Variants in ANKRD52 observed in about 807,000 individuals in gnomAD.
The protein encoded by ANKRD52 is ankyrin repeat domain 52.
In ANKRD52, 7 loss-of-function variants were observed where a neutral mutation model predicts 116.0. That is an observed-to-expected ratio of 0.06 (90% CI 0.03 to 0.11). ANKRD52 has a LOEUF of 0.11. ANKRD52 is among the 10% of genes least tolerant of loss of function. The probability of loss-of-function intolerance (pLI) is 1.00; values close to 1 mark genes in which losing one functional copy is unlikely to be tolerated. For missense variants in ANKRD52, 839 were observed against 1,408.6 expected (o/e 0.60, Z 6.47); for synonymous variants, 528 against 578.1 (o/e 0.91, Z 1.24).
chr12:56,247,472 C>A lies in ANKRD52; in HGVS notation c.2184+21G>T, dbSNP rs765863734. The A allele has an allele frequency of 1.9e-6, 3 of 1,546,912 alleles. No individual in the cohort carries two copies. In the East Asian group the frequency reaches 7.2e-5, roughly 37 times the overall value. ...ACACTGAGGCCCATGTGCAAACAAT[C>A]CCCCCTAGAAGCTCACTCACCCCGC... is the stretch of plus-strand genomic sequence containing the variant. On this transcript the variant is annotated intron_variant, in intron 20 of 27. Coordinates refer to ENST00000267116, the MANE Select transcript of ANKRD52 (RefSeq NM_173595.4).
Position 56,243,454 on chromosome 12 carries a change from G to A in ANKRD52, c.2981-62C>T. On this transcript the variant is annotated intron_variant, in intron 27 of 27. Transcript: ENST00000267116. This position sits in a 1 kb window ranked among gnomAD's most constrained non-coding sequence, Gnocchi z 4.6. ...CTGTATCCTAGCCAGCCTCCCCCAAGCCCTGAAGTCTCTTCTCTGTGGAGG... is the reference window on the plus strand; with the variant it reads ...CTGTATCCTAGCCAGCCTCCCCCAAACCCTGAAGTCTCTTCTCTGTGGAGG... 1 of 1,547,166 alleles carries A rather than the reference G, an allele frequency of 6.5e-7. No individual in the cohort carries two copies. Among genetic ancestry groups the A allele is most frequent in the Non-Finnish European group, 8.7e-7 (1 of 1,143,188 alleles).
At chr12:56,256,039 G>A (rs1189753098) in intron 4 of ANKRD52, 55 bp from the exon 5 acceptor site, 2 of 1,505,596 alleles carry the variant, frequency 1.3e-6, no homozygotes, top group East Asian at 5.0e-5. Flanking sequence ...AAAACAACAG[G>A]AAATGGAAGG....
At chr12:56,245,670 T>C in intron 20 of ANKRD52, 74 bp from the exon 21 acceptor site, 2 of 1,341,110 alleles carry the variant, frequency 1.5e-6, no homozygotes, top group Non-Finnish European at 2.0e-6. Flanking sequence ...GGAGTCTGGC[T>C]CAGGAGTAAG....
chr12:56,258,308 G>A lies in ANKRD52; in HGVS notation c.-39C>T, dbSNP rs1872065357. Reference sequence around the variant, plus strand: ...CTCCGTCCGCATCGAGCTCCCGGCGGCGGCGGCGGCGGCTCCACCGGGGAC... The same window carrying A: ...CTCCGTCCGCATCGAGCTCCCGGCGACGGCGGCGGCGGCTCCACCGGGGAC... On this transcript the variant is annotated 5_prime_UTR_variant, in exon 1 of 28. Coordinates refer to ENST00000267116, the MANE Select transcript of ANKRD52 (RefSeq NM_173595.4). The A allele has an allele frequency of 6.6e-7, 1 of 1,524,492 alleles. No individual in the cohort carries two copies. The highest frequency in any genetic ancestry group is 8.8e-7 in the Non-Finnish European group (1 of 1,138,168). The allele number at this position is 1,524,492 out of a possible 1,614,324, so 94.4% of individuals were successfully genotyped here. A position where few individuals can be genotyped will look rare whatever the true frequency, so the allele number is the denominator to read the frequency against.
In ANKRD52 at chr12:56,247,789, C is replaced by A; in HGVS notation, c.1979-15G>T. 10 of 1,608,582 alleles carry A rather than the reference C, an allele frequency of 6.2e-6. No individual in the cohort carries two copies. The highest frequency in any genetic ancestry group is 7.6e-6 in the Non-Finnish European group (9 of 1,178,006). ...GCCAGAGGCAGCTAGGGGAAAGGGA[C>A]CCCGTGTCAGGGCAGGGCCAGGAGG... is the stretch of plus-strand genomic sequence containing the variant. On this transcript the variant is annotated splice_polypyrimidine_tract_variant and intron_variant, in intron 18 of 27. Transcript: ENST00000267116.
chr12:56,252,272 C>T lies in ANKRD52; in HGVS notation c.1414G>A (p.Ala472Thr). Residue 472 changes from alanine (A) to threonine (T), a missense_variant, in exon 14 of 28, where the codon GCA becomes ACA. Ala to Thr is a moderately conservative substitution (Grantham distance 58). This residue lies in a region of ANKRD52 where 552 missense variants were observed against 810.6 expected (regional missense o/e 0.68). Transcript: ENST00000267116. This position sits in a 1 kb window ranked among gnomAD's most constrained non-coding sequence, Gnocchi z 4.7. ...YAAANGSYQC[A>T]VTLVTAGAGV... Reference sequence around the variant, plus strand: ...GCCCCAGCAGTCACCAATGTTACTGCACACTGGTAGCTACCGTTAGCAGCT... The same window carrying T: ...GCCCCAGCAGTCACCAATGTTACTGTACACTGGTAGCTACCGTTAGCAGCT... The T allele has an allele frequency of 5.6e-6, 9 of 1,613,980 alleles. No individual in the cohort carries two copies. The highest frequency in any genetic ancestry group is 2.2e-5 in the South Asian group (2 of 91,080).
In ANKRD52 at chr12:56,252,178, C is replaced by T; in HGVS notation, c.1508G>A (p.Arg503Lys). 1 of 1,613,970 alleles carries T rather than the reference C, an allele frequency of 6.2e-7. No homozygotes were observed. Among genetic ancestry groups the T allele is most frequent in the Non-Finnish European group, 8.5e-7 (1 of 1,179,860 alleles). ...LHYAAASDTY[R>K]RAEPHTPSSH... ...AGGACCAGACTGGTAGCCTCACCTC[C>T]TGTAAGTGTCAGAAGCGGCAGCGTA... Residue 503 changes from arginine (R) to lysine (K), a missense_variant, in exon 14 of 28, where the codon AGG becomes AAG. Coordinates refer to ENST00000267116, the MANE Select transcript of ANKRD52 (RefSeq NM_173595.4). The surrounding 1 kb of genome is among the most constrained non-coding windows in gnomAD (Gnocchi z 4.7).
chr12:56,255,696 G>T lies in ANKRD52; in HGVS notation c.462+88C>A. Reference sequence around the variant, plus strand: ...AACCATCCGGGCTGCTTCTCCTTCAGGCTTGAGGGCCCAGAAGCAGGGAAA... The same window carrying T: ...AACCATCCGGGCTGCTTCTCCTTCATGCTTGAGGGCCCAGAAGCAGGGAAA... On this transcript the variant is annotated intron_variant, in intron 5 of 27. Transcript: ENST00000267116. The surrounding 1 kb of genome is among the most constrained non-coding windows in gnomAD (Gnocchi z 4.3). 7.6e-7 allele frequency: 1 copy of T among 1,320,620 alleles called. No individual in the cohort carries two copies. Among genetic ancestry groups the T allele is most frequent in the Non-Finnish European group, 1.0e-6 (1 of 957,262 alleles). The allele number at this position is 1,320,620 out of a possible 1,614,324, so 81.8% of individuals were successfully genotyped here.
Position 56,244,566 on chromosome 12 carries a change from C to G in ANKRD52, c.2722+86G>C. 2 of 1,601,858 alleles carry G rather than the reference C, an allele frequency of 1.2e-6. No homozygotes were observed. The highest frequency in any genetic ancestry group is 1.7e-6 in the Non-Finnish European group (2 of 1,173,500). ...AACCCTCTTGCTTTCTGAACCCCAG[C>G]CCCAGCCAGCCTCCACAGGCAGGGC... On this transcript the variant is annotated intron_variant, in intron 24 of 27. Transcript: ENST00000267116. The surrounding 1 kb of genome is among the most constrained non-coding windows in gnomAD (Gnocchi z 4.9).
chr12:56,245,793 C>A (rs1871371987), intron 20 of ANKRD52, among the ~76,000 whole-genome samples, 197 bp from the exon 21 acceptor site: 1 of 149,720 alleles, frequency 6.7e-6, no homozygotes, highest in Admixed American at 6.7e-5. Flanking sequence ...CGGCTCACTG[C>A]AACCTCTGCC....
At position 56,240,508 on chromosome 12, in the gene ANKRD52, G is replaced by C. The variant is rs1408949143; in HGVS notation, c.*2634C>G. ...AGGGGGAGGGCAAAGGGAAGGCGCT[G>C]TTCCCTCCCCGCCCTCCCCCATGAA... On this transcript the variant is annotated 3_prime_UTR_variant, in exon 28 of 28. Coordinates refer to ENST00000267116, the MANE Select transcript of ANKRD52 (RefSeq NM_173595.4). The surrounding 1 kb of genome is among the most constrained non-coding windows in gnomAD (Gnocchi z 4.2). The C allele has an allele frequency of 1.3e-5, 2 of 151,954 alleles. No homozygotes were observed. The highest frequency in any genetic ancestry group is 6.5e-5 in the Admixed American group (1 of 15,268). 9.4% of individuals were successfully genotyped at this position (151,954 alleles called of 1,614,324 possible). A position where few individuals can be genotyped will look rare whatever the true frequency, so the allele number is the denominator to read the frequency against.
rs1871218343 is a variant in ANKRD52 at position 56,242,726 on chromosome 12, G to A, written c.*416C>T. 2 of 200,102 alleles carry A rather than the reference G, an allele frequency of 1.0e-5. No homozygotes were observed. The highest frequency in any genetic ancestry group is 2.0e-5 in the Non-Finnish European group (2 of 97,578). 12.4% of individuals were successfully genotyped at this position (200,102 alleles called of 1,614,324 possible). On this transcript the variant is annotated 3_prime_UTR_variant, in exon 28 of 28. Transcript: ENST00000267116. This position sits in a 1 kb window ranked among gnomAD's most constrained non-coding sequence, Gnocchi z 4.3. ...GATGGAGGGACCGGCCGAGCAGGGA[G>A]GCAGTGATGGGTATGGAAGAAGAGG...
In ANKRD52 at chr12:56,254,599, G is replaced by A. The variant is rs746669687; in HGVS notation, c.672C>T (p.Tyr224=). The A allele has an allele frequency of 6.2e-7, 1 of 1,613,920 alleles. No homozygotes were observed. Among genetic ancestry groups the A allele is most frequent in the Non-Finnish European group, 8.5e-7 (1 of 1,179,880 alleles). ...TGACCTCCGCTCCCATCCGAAGCAG[G>A]TACTTCACCACTTCAATCTGGCCAC... ...AASGQIEVVK[Y]LLRMGAEIDE... The change falls in exon 7 of 28, where the codon TAC becomes TAT. Residue 224 remains tyrosine (Y), a synonymous_variant. Transcript: ENST00000267116. The surrounding 1 kb of genome is among the most constrained non-coding windows in gnomAD (Gnocchi z 4.6).
At chr12:56,246,617 C>T (rs925724750) in intron 20 of ANKRD52, among the ~76,000 whole-genome samples, 2 of 151,854 alleles carry the variant, frequency 1.3e-5, no homozygotes, top group African/African-American at 4.8e-5. Flanking sequence ...CTCAGTTGTA[C>T]GTGATTACAA....
At position 56,240,297 on chromosome 12, in the gene ANKRD52, A is replaced by C. The variant is rs1192630064; in HGVS notation, c.*2845T>G. 1 of 152,154 alleles carries C rather than the reference A, an allele frequency of 6.6e-6. No individual in the cohort carries two copies. The highest frequency in any genetic ancestry group is 2.4e-5 in the African/African-American group (1 of 41,390). 9.4% of individuals were successfully genotyped at this position (152,154 alleles called of 1,614,324 possible). ...AGCTCCCCCAAAATCAGAAACTAAA[A>C]ACTGGCTCTTTCCATCTCACCCTCT... On this transcript the variant is annotated 3_prime_UTR_variant, in exon 28 of 28. Coordinates refer to ENST00000267116, the MANE Select transcript of ANKRD52 (RefSeq NM_173595.4). The surrounding 1 kb of genome is among the most constrained non-coding windows in gnomAD (Gnocchi z 4.2).
chr12:56,243,183 G>C lies in ANKRD52; in HGVS notation c.3190C>G (p.Arg1064Gly), dbSNP rs752514768. 14 of 1,610,234 alleles carry C rather than the reference G, an allele frequency of 8.7e-6. No individual in the cohort carries two copies. Among genetic ancestry groups the C allele is most frequent in the Non-Finnish European group, 1.2e-5 (14 of 1,178,376 alleles). The change falls in exon 28 of 28, where the codon CGG (arginine) becomes GGG (glycine). Residue 1064 changes from arginine (R) to glycine (G), a missense_variant. By Grantham distance (125) the Arg-to-Gly change is moderately radical (BLOSUM62 -2). Transcript: ENST00000267116. The surrounding 1 kb of genome is among the most constrained non-coding windows in gnomAD (Gnocchi z 4.6). ...CCATCTAACCCAATGGCGCCGGGCC[G>C]CTCCTGGCTGTAGGGGCAGGAGGCC... ...HGASCPYSQE[R>G]PGAIGLDGCY... is the part of the protein sequence containing the mutation.
chr12:56,251,799 G>A (rs1173164697), intron 15 of ANKRD52, among the ~76,000 whole-genome samples: 2 of 150,950 alleles, frequency 1.3e-5, no homozygotes, highest in Non-Finnish European at 3.0e-5. Flanking sequence ...TCATACTTTT[G>A]GGTTTTTTTT....
rs1228420032 is a variant in ANKRD52, at chr12:56,241,643, A to C, written c.*1499T>G. On this transcript the variant is annotated 3_prime_UTR_variant, in exon 28 of 28. Transcript: ENST00000267116. The stretch of plus-strand genomic sequence containing the variant: ...GCAGTGTGGGGGCGGAGGGGGCATG[A>C]CCTCTATTCAAGTTCTGTGTCTTGG... 1 of 225,218 alleles carries C rather than the reference A, an allele frequency of 4.4e-6. No homozygotes were observed. Among genetic ancestry groups the C allele is most frequent in the Non-Finnish European group, 8.6e-6 (1 of 116,118 alleles). The allele number at this position is 225,218 out of a possible 1,614,324, so 14.0% of individuals were successfully genotyped here.
Position 56,247,717 on chromosome 12 carries a change from T to A in ANKRD52, c.2036A>T (p.Asp679Val), listed in dbSNP as rs1335249593. The change falls in exon 19 of 28, where the codon GAC becomes GTC. Residue 679 changes from aspartate to valine, a missense_variant. Physicochemically the swap from Asp to Val is radical, Grantham distance 152. Around this residue, in one of 2 missense-constraint regions of ANKRD52, gnomAD observed 552 missense variants for 810.6 expected, o/e 0.68. Coordinates refer to ENST00000267116, the MANE Select transcript of ANKRD52 (RefSeq NM_173595.4). Reference protein sequence around the residue: ...HLLIDSGERADITDVMDAYGQ... With the variant: ...HLLIDSGERAVITDVMDAYGQ... ...ATAGGCATCCATGACATCTGTGATG[T>A]CAGCTCGTTCCCCACTGTCGATCAG... 7 of 1,612,416 alleles carry A rather than the reference T, an allele frequency of 4.3e-6. No homozygotes were observed. Among genetic ancestry groups the A allele is most frequent in the Non-Finnish European group, 5.9e-6 (7 of 1,179,272 alleles).
Sources: allele counts gnomAD v4.1 joint callset (sites outside exome capture counted in the v4.1 genomes callset), GRCh38; gene constraint gnomAD v4.1.1; regional missense constraint gnomAD v4.1.1; non-coding constraint Gnocchi (gnomAD v3.1); transcripts MANE v1.5; gene names NCBI Gene and HGNC (gene_info 2026-07-23, HGNC 2026-07-21).